The following RPS20 variants were observed in gnomAD, a reference collection of about 807,000 sequenced individuals.
RPS20 encodes small ribosomal subunit protein uS10.
A neutral mutation model predicts 15.3 loss-of-function variants in RPS20; 3 were observed. That is an observed-to-expected ratio of 0.20 (90% CI 0.09 to 0.51). RPS20 has a LOEUF of 0.51. Among genes scored for constraint, RPS20 ranks in the 20% least tolerant of loss-of-function variants. The pLI is 0.96. For missense variants in RPS20, 67 were observed against 145.9 expected (o/e 0.46, Z 2.79); for synonymous variants, 62 against 47.8 (o/e 1.30, Z -1.23).
intron 1 of RPS20, 100 bp from the exon 2 acceptor site, chr8:56,074,259 C>G (rs2129213481): frequency 1.3e-6 from 2 of 1,527,514 alleles, no homozygotes; most frequent in Non-Finnish European, 1.8e-6. Flanking sequence ...CCCACCATTT[C>G]AGGAGCGCCT....
Position 56,074,050 on chromosome 8 carries a change from A to G in RPS20, c.103+10T>C, listed in dbSNP as rs775546661. ...ATTCCCCCTCCCCCCCGCATAACGA[A>G]TGCACTGACCCTTTTCCAAGGATTT... On this transcript the variant is annotated intron_variant, in intron 2 of 3. Coordinates refer to ENST00000009589, the MANE Select transcript of RPS20 (RefSeq NM_001023.4). 6.2e-7 allele frequency: 1 copy of G among 1,606,544 alleles called. No individual in the cohort carries two copies. Among genetic ancestry groups the G allele is most frequent in the Non-Finnish European group, 8.5e-7 (1 of 1,173,320 alleles).
At chr8:56,071,361 T>A (rs76029853), downstream of RPS20, among the ~76,000 whole-genome samples, 6,262 of 152,292 alleles carry the variant, frequency 0.041, 434 homozygotes, top group African/African-American at 0.14. Flanking sequence ...CACGTATTGA[T>A]AGGTATTCCA....
chr8:56,073,295 C>G lies in RPS20; in HGVS notation c.178-23G>C, dbSNP rs751676310. ...AGTCTGTAACAAAAGACAAAGGAAA[C>G]CAAGTGTTTATCGTTTTATACTTAT... is the stretch of plus-strand genomic sequence containing the variant. On this transcript the variant is annotated intron_variant, in intron 3 of 3. Coordinates refer to ENST00000009589, the MANE Select transcript of RPS20 (RefSeq NM_001023.4). The G allele has an allele frequency of 2.7e-6, 4 of 1,471,652 alleles. No homozygotes were observed. In the South Asian group the frequency reaches 3.4e-5, roughly 12 times the overall value. The allele number at this position is 1,471,652 out of a possible 1,614,324, so 91.2% of individuals were successfully genotyped here.
chr8:56,074,372 C>T lies in RPS20; in HGVS notation c.3+9G>A. The T allele has an allele frequency of 1.3e-6, 2 of 1,557,660 alleles. No individual in the cohort carries two copies. Among genetic ancestry groups the T allele is most frequent in the Non-Finnish European group, 8.6e-7 (1 of 1,157,216 alleles). Reference sequence around the variant, plus strand: ...GCGTTGCGCCGCCCGCCGCCGACTGCCGCCTCACCATGGCTGTTGCGCGCG... The same window carrying T: ...GCGTTGCGCCGCCCGCCGCCGACTGTCGCCTCACCATGGCTGTTGCGCGCG... On this transcript the variant is annotated intron_variant, in intron 1 of 3. Transcript: ENST00000009589.
downstream of RPS20, among the ~76,000 whole-genome samples, chr8:56,072,462 G>A (rs1158404218): frequency 6.7e-6 from 1 of 148,574 alleles, no homozygotes; most frequent in Non-Finnish European, 1.5e-5. Context: ...TGAGGCAGGA[G>A]AATTGCTTGA....
downstream of RPS20, among the ~76,000 whole-genome samples, chr8:56,070,757 T>C (rs1214622734): frequency 2.0e-5 from 3 of 150,842 alleles, no homozygotes; most frequent in Non-Finnish European, 4.4e-5. Flanking sequence ...AAAAAAAAAT[T>C]CTGACCCAGC....
chr8:56,069,865 G>C (rs1336321234), downstream of RPS20: 5 of 1,062,458 alleles, frequency 4.7e-6, no homozygotes, highest in South Asian at 2.7e-5. Context: ...AAAAAAAATT[G>C]TCTCTACTGC....
chr8:56,069,829 A>G (rs1002033823), downstream of RPS20: 2 of 1,472,878 alleles, frequency 1.4e-6, no homozygotes, highest in African/African-American at 2.8e-5. Context: ...TGTAGATTCG[A>G]TCAACTGTAG....
downstream of RPS20, among the ~76,000 whole-genome samples, chr8:56,072,369 G>A (rs555214167): frequency 5.1e-4 from 77 of 152,108 alleles, no homozygotes; most frequent in South Asian, 2.5e-3. Flanking sequence ...CTGAACAACA[G>A]GACAAAACCC....
At chr8:56,071,094 C>T (rs1176914120), downstream of RPS20, among the ~76,000 whole-genome samples, 4 of 152,202 alleles carry the variant, frequency 2.6e-5, no homozygotes, top group Non-Finnish European at 5.9e-5. Context: ...TACAGGTTCT[C>T]AATTACGTAT....
In RPS20 at chr8:56,073,902, G is replaced by C. The variant is rs1358870825; in HGVS notation, c.104-134C>G. The C allele has an allele frequency of 3.7e-6, 4 of 1,084,172 alleles. No individual in the cohort carries two copies. The East Asian group carries it at 9.4e-5, about 25-fold the overall frequency. The allele number at this position is 1,084,172 out of a possible 1,614,324, so 67.2% of individuals were successfully genotyped here. A position where few individuals can be genotyped will look rare whatever the true frequency, so the allele number is the denominator to read the frequency against. On this transcript the variant is annotated intron_variant, in intron 2 of 3. Transcript: ENST00000009589. The stretch of plus-strand genomic sequence containing the variant: ...CACAATAGGTACCTCCTCATCGCCA[G>C]CTGTATGACAGTAAAAGCAATTTTA...
chr8:56,074,343 C>T (rs1418633038), intron 1 of RPS20, 38 bp downstream of exon 1: 1 of 1,549,270 alleles, frequency 6.5e-7, no homozygotes, highest in Non-Finnish European at 8.7e-7. Flanking sequence ...GGCGCCCGAG[C>T]CCTGCGTTGC....
Sources: gnomAD v4.1 joint callset for allele counts (sites outside exome capture counted in the v4.1 genomes callset) on GRCh38, gnomAD v4.1.1 for gene constraint, MANE v1.5 for transcripts, NCBI Gene and HGNC (gene_info 2026-07-23, HGNC 2026-07-21) for gene names.